ACOT1: variants seen among roughly 807,000 people sequenced by gnomAD.
ACOT1 encodes the protein acyl-coenzyme A thioesterase 1.
Under a neutral mutation model 15.7 loss-of-function variants are expected in ACOT1, and 8 were observed. The ratio of observed to expected loss-of-function variants is 0.51; its 90% CI spans 0.30 to 0.92. The LOEUF (loss-of-function observed/expected upper bound fraction) is 0.92. Among genes scored for constraint, ACOT1 ranks in the 40% least tolerant of loss-of-function variants. ACOT1 has a pLI of 0.06. For synonymous variants in ACOT1, 67 were observed against 241.2 expected, an observed-to-expected ratio of 0.28 and a Z score of 6.69; for missense variants, 151 against 539.4, an observed-to-expected ratio of 0.28 and a Z score of 7.13.
chr14:73,517,731 A>G, the ACOT1 span, among the ~76,000 whole-genome samples: 1 of 151,012 alleles, frequency 6.6e-6, no homozygotes, highest in Non-Finnish European at 1.5e-5. Flanking sequence ...GAAGAGAGGA[A>G]AGGGAGACAT....
the ACOT1 span, chr14:73,503,147 G>C: frequency 1.4e-6 from 1 of 697,134 alleles, no homozygotes; most frequent in South Asian, 1.7e-5. Flanking sequence ...TTTTCCCATC[G>C]CTTACTCTCC....
chr14:73,527,208 G>T, the ACOT1 span: 2 of 151,890 alleles, frequency 1.3e-5, no homozygotes, highest in African/African-American at 4.8e-5. Context: ...AGACTGTAAA[G>T]ACTTGGAATA....
the ACOT1 span, among the ~76,000 whole-genome samples, chr14:73,511,702 C>G: frequency 6.6e-6 from 1 of 152,018 alleles, no homozygotes; most frequent in Non-Finnish European, 1.5e-5. Flanking sequence ...TAGCAAGACA[C>G]AGTCTCTACC....
At chr14:73,524,310 A>ATATATAT in the ACOT1 span, among the ~76,000 whole-genome samples, 67 of 54,748 alleles carry the variant, frequency 1.2e-3, no homozygotes, top group East Asian at 3.2e-3. Context: ...AAAAAAAAAA[A>ATATATAT]ATATATATAT....
At chr14:73,520,903 C>T in the ACOT1 span, 1 of 1,614,042 alleles carries the variant, frequency 6.2e-7, no homozygotes, top group Non-Finnish European at 8.5e-7. Context: ...GCAAACTTTC[C>T]AGCTCGGGGA....
the ACOT1 span, among the ~76,000 whole-genome samples, chr14:73,526,742 C>T: frequency 6.6e-6 from 1 of 152,232 alleles, no homozygotes; most frequent in South Asian, 2.1e-4. Context: ...CAGGATTCCC[C>T]ACCTGCTGAC....
chr14:73,509,367 G>C, the ACOT1 span: 1 of 1,613,960 alleles, frequency 6.2e-7, no homozygotes, highest in South Asian at 1.1e-5. Flanking sequence ...GTGACTGTAT[G>C]GCATATTGGC....
At chr14:73,493,289 C>T in the ACOT1 span, 1 of 596,912 alleles carries the variant, frequency 1.7e-6, no homozygotes, top group Non-Finnish European at 3.0e-6. Flanking sequence ...GAATTTGGAT[C>T]TTTCATCTGA....
chr14:73,515,081 CA>C, the ACOT1 span, among the ~76,000 whole-genome samples: 12 of 135,204 alleles, frequency 8.9e-5, no homozygotes, highest in East Asian at 1.5e-3. Context: ...AAAAAAAAAA[CA>C]AAAAAAAAAC....
chr14:73,491,831 C>T, the ACOT1 span: 1 of 1,607,522 alleles, frequency 6.2e-7, no homozygotes, highest in Non-Finnish European at 8.5e-7. Context: ...CAACGGACGA[C>T]GCGAGACCCT....
chr14:73,491,627 C>A, the ACOT1 span: 3 of 1,549,274 alleles, frequency 1.9e-6, no homozygotes, highest in Non-Finnish European at 2.6e-6. Context: ...GCGAGCGGCC[C>A]GCCTCTTTGA....
the ACOT1 span, chr14:73,498,280 A>T: frequency 1.2e-6 from 2 of 1,613,974 alleles, no homozygotes; most frequent in Admixed American, 1.7e-5. Flanking sequence ...GTGACTCTTC[A>T]TAGTGGATAG....
At chr14:73,528,385 T>A in the ACOT1 span, among the ~76,000 whole-genome samples, 1 of 81,594 alleles carries the variant, frequency 1.2e-5, no homozygotes, top group South Asian at 4.4e-4. Flanking sequence ...AGAGCGAAAC[T>A]TCATCTCAAA....
intron 1 of ACOT1, 76 bp downstream of exon 1, chr14:73,537,954 C>T: frequency 5.8e-6 from 6 of 1,031,050 alleles, no homozygotes; most frequent in Admixed American, 4.8e-5. Flanking sequence ...TGTGTGTGTC[C>T]CCTTCGCCCC....
At chr14:73,533,724 A>G (rs1239221275), upstream of ACOT1, among the ~76,000 whole-genome samples, 1 of 110,800 alleles carries the variant, frequency 9.0e-6, no homozygotes, top group Admixed American at 1.0e-4. Flanking sequence ...AATGTAATGT[A>G]CTTAATGTCA....
chr14:73,524,310 A>AAAAAAAAAAAAAATATAT, the ACOT1 span, among the ~76,000 whole-genome samples: 1 of 54,788 alleles, frequency 1.8e-5, no homozygotes, highest in South Asian at 7.8e-4. Context: ...AAAAAAAAAA[A>AAAAAAAAAAAAAATATAT]ATATATATAT....
chr14:73,491,623 G>C, the ACOT1 span: 1 of 1,547,788 alleles, frequency 6.5e-7, no homozygotes. Flanking sequence ...GGCGGCGAGC[G>C]GCCCGCCTCT....
At chr14:73,499,017 G>A in the ACOT1 span, 32 of 1,472,908 alleles carry the variant, frequency 2.2e-5, no homozygotes, top group African/African-American at 3.7e-4. Context: ...ATTTCTACTT[G>A]CATAGGCAAA....
the ACOT1 span, chr14:73,522,179 G>T: frequency 7.8e-7 from 1 of 1,285,930 alleles, no homozygotes; most frequent in Non-Finnish European, 1.1e-6. Context: ...ATGGGAGAGT[G>T]CATTCTGAAA....
Sources: allele counts gnomAD v4.1 joint callset (sites outside exome capture counted in the v4.1 genomes callset), GRCh38; gene constraint gnomAD v4.1.1; transcripts MANE v1.5; gene names NCBI Gene and HGNC (gene_info 2026-07-23, HGNC 2026-07-21).